The following REPS1 variants were observed in gnomAD, a reference collection of about 807,000 sequenced individuals.
The protein encoded by REPS1 is RALBP1 associated Eps domain containing 1.
REPS1 carries 39 observed loss-of-function variants against 100.9 expected under a neutral mutation model. That is an observed-to-expected ratio of 0.39 (90% CI 0.30 to 0.50). The LOEUF (loss-of-function observed/expected upper bound fraction) is 0.50, where lower values mean the gene tolerates loss of function less well. REPS1 is among the 20% of genes least tolerant of loss of function. The pLI, the probability that REPS1 is intolerant of heterozygous loss-of-function variation, is 0.86. For missense variants in REPS1, 821 were observed against 968.5 expected, an observed-to-expected ratio of 0.85 and a Z score of 2.02; for synonymous variants, 324 against 340.3, an observed-to-expected ratio of 0.95 and a Z score of 0.53.
chr6:138,969,616 T>C (rs569559123), intron 1 of REPS1, among the ~76,000 whole-genome samples: 16 of 152,058 alleles, frequency 1.1e-4, no homozygotes, highest in Admixed American at 7.2e-4. Flanking sequence ...ATCAAAATGG[T>C]TGGCAACCTG....
At chr6:138,977,046 T>C (rs1051407309) in intron 1 of REPS1, among the ~76,000 whole-genome samples, 3 of 152,230 alleles carry the variant, frequency 2.0e-5, no homozygotes, top group Non-Finnish European at 4.4e-5. Context: ...ATGACTATTT[T>C]GTAATTTTTA....
At chr6:138,940,631 T>A (rs1304256918) in intron 8 of REPS1, among the ~76,000 whole-genome samples, 2 of 151,430 alleles carry the variant, frequency 1.3e-5, no homozygotes, top group East Asian at 1.9e-4. Context: ...TGTAGTCCCA[T>A]CTACTTAAGG....
chr6:138,980,646 G>C (rs1270648077), intron 1 of REPS1, among the ~76,000 whole-genome samples: 1 of 109,960 alleles, frequency 9.1e-6, no homozygotes, highest in Non-Finnish European at 1.7e-5. Flanking sequence ...CTCTATTATT[G>C]TACACAGTTC....
At chr6:138,969,989 G>A (rs574503785) in intron 1 of REPS1, among the ~76,000 whole-genome samples, 1 of 150,748 alleles carries the variant, frequency 6.6e-6, no homozygotes, top group African/African-American at 2.4e-5. Context: ...TGCAAGGACT[G>A]TAGTGGTGGC....
chr6:138,968,441 A>T (rs1784133106), intron 1 of REPS1, among the ~76,000 whole-genome samples: 1 of 152,198 alleles, frequency 6.6e-6, no homozygotes, highest in Admixed American at 6.5e-5. Flanking sequence ...TTGCCCAAGG[A>T]TATTGACTAG....
chr6:138,960,435 T>C (rs936635746), intron 1 of REPS1, among the ~76,000 whole-genome samples: 6 of 152,080 alleles, frequency 3.9e-5, no homozygotes, highest in African/African-American at 1.4e-4. Flanking sequence ...TAAATTCATG[T>C]AAAACAACAA....
intron 1 of REPS1, among the ~76,000 whole-genome samples, chr6:138,981,946 A>G (rs1320726051): frequency 6.6e-6 from 1 of 152,142 alleles, no homozygotes; most frequent in Non-Finnish European, 1.5e-5. Context: ...AACTAGCACA[A>G]GAAACTCAAG....
Position 138,915,905 on chromosome 6 carries a change from G to C in REPS1, c.1673C>G (p.Ser558Cys), listed in dbSNP as rs767003628. Residue 558 changes from serine to cysteine, a missense_variant, in exon 14 of 20, where the codon TCT becomes TGT. Physicochemically the swap from Ser to Cys is moderately radical, Grantham distance 112. Around this residue, in one of 3 missense-constraint regions of REPS1, gnomAD observed 757 missense variants for 866.4 expected, o/e 0.87. Coordinates refer to ENST00000450536, the MANE Select transcript of REPS1 (RefSeq NM_001286611.2). ...PPPPRPQPSH[S>C]RSSSLDMNRT... ...ATTCATATCTAAAGATGATGATCTA[G>C]AATGAGAGGGCTGTGGCCTTGGAGG... 2 of 1,614,060 alleles carry C rather than the reference G, an allele frequency of 1.2e-6. No homozygotes were observed. Among genetic ancestry groups the C allele is most frequent in the Non-Finnish European group, 1.7e-6 (2 of 1,179,934 alleles).
chr6:138,976,148 T>C (rs1023589023), intron 1 of REPS1, among the ~76,000 whole-genome samples: 2 of 152,228 alleles, frequency 1.3e-5, no homozygotes, highest in Non-Finnish European at 2.9e-5. Flanking sequence ...GTCAAACCTA[T>C]GATCCTTCCA....
chr6:138,979,528 A>G (rs983602393), intron 1 of REPS1, among the ~76,000 whole-genome samples: 4 of 152,144 alleles, frequency 2.6e-5, no homozygotes, highest in Admixed American at 2.6e-4. Context: ...ACACTAGTCC[A>G]TGAAACTGGC....
chr6:138,935,535 T>C (rs2128463704), intron 8 of REPS1, among the ~76,000 whole-genome samples: 1 of 151,332 alleles, frequency 6.6e-6, no homozygotes, highest in South Asian at 2.1e-4. Flanking sequence ...ACAGAGAAAA[T>C]AGTGGAAATG....
intron 1 of REPS1, among the ~76,000 whole-genome samples, chr6:138,979,938 A>C (rs1784840793): frequency 6.6e-6 from 1 of 152,152 alleles, no homozygotes; most frequent in South Asian, 2.1e-4. Context: ...AGATGTATAG[A>C]TCTCTCTAAC....
intron 18 of REPS1, 56 bp downstream of exon 18, chr6:138,908,612 A>T: frequency 4.4e-6 from 7 of 1,594,532 alleles, no homozygotes. Context: ...ATTACTTTTA[A>T]TTGTCGTGCT....
chr6:138,964,009 GAGATACTTATC>G (rs1292857708), intron 1 of REPS1, among the ~76,000 whole-genome samples: 1 of 151,998 alleles, frequency 6.6e-6, no homozygotes, highest in Non-Finnish European at 1.5e-5. Context: ...CAACCCTTTT[GAGATACTTATC>G]AGTTATATTA....
At chr6:138,948,024 G>T in intron 1 of REPS1, 111 bp from the exon 2 acceptor site, 19 of 871,466 alleles carry the variant, frequency 2.2e-5, no homozygotes, top group Non-Finnish European at 2.9e-5. Context: ...CTAATAGATG[G>T]TATAATACTC....
chr6:138,939,482 TA>T (rs1782086699), intron 8 of REPS1, among the ~76,000 whole-genome samples: 1 of 152,256 alleles, frequency 6.6e-6, no homozygotes, highest in Non-Finnish European at 1.5e-5. Flanking sequence ...ACTTGTTTTT[TA>T]TTTAAATTAA....
chr6:138,935,856 C>CGGGGG (rs1449985583), intron 8 of REPS1, among the ~76,000 whole-genome samples: 8 of 2,196 alleles, frequency 3.6e-3, no homozygotes, highest in East Asian at 0.013. Context: ...TCCATCTTGG[C>CGGGGG]GGGGGGGGGG....
intron 10 of REPS1, among the ~76,000 whole-genome samples, chr6:138,923,603 C>T (rs995004784): frequency 2.6e-5 from 4 of 152,174 alleles, no homozygotes; most frequent in Non-Finnish European, 1.5e-5. Context: ...TCATGTATAT[C>T]CTAGCAGAAG....
intron 8 of REPS1, among the ~76,000 whole-genome samples, chr6:138,938,149 G>C (rs1781981428): frequency 6.6e-6 from 1 of 152,062 alleles, no homozygotes; most frequent in African/African-American, 2.4e-5. Flanking sequence ...TATTTTAGCT[G>C]TTAAATTCAG....
Sources: gnomAD v4.1 joint callset for allele counts (sites outside exome capture counted in the v4.1 genomes callset) on GRCh38, gnomAD v4.1.1 for gene constraint, gnomAD v4.1.1 regional missense constraint, MANE v1.5 for transcripts, NCBI Gene and HGNC (gene_info 2026-07-23, HGNC 2026-07-21) for gene names.